The following ABCC2 variants were observed in gnomAD, a reference collection of about 807,000 sequenced individuals.
ABCC2 encodes the protein ATP-binding cassette sub-family C member 2.
In ABCC2, 157 loss-of-function variants were observed where a neutral mutation model predicts 173.4. That is an observed-to-expected ratio of 0.91 (90% CI 0.80 to 1.03). The LOEUF (loss-of-function observed/expected upper bound fraction) is 1.03. Ranked by LOEUF, ABCC2 falls within the 50% of genes least tolerant of loss-of-function variation. The pLI, the probability that ABCC2 is intolerant of heterozygous loss-of-function variation, is 0.00. For synonymous variants in ABCC2, 657 were observed against 693.5 expected, an observed-to-expected ratio of 0.95 and a Z score of 0.83; for missense variants, 1,822 against 1,852.3, an observed-to-expected ratio of 0.98 and a Z score of 0.30.
rs1049949075 is a variant in ABCC2 at position 99,799,295 on chromosome 10, A to G, written c.956A>G (p.Tyr319Cys). 4 of 1,614,170 alleles carry G rather than the reference A, an allele frequency of 2.5e-6. No homozygotes were observed. The highest frequency in any genetic ancestry group is 2.2e-5 in the East Asian group (1 of 44,880). ...ATGAAGGCTCTGTTCAAAACTTTCT[A>G]CATGGTGCTCCTGAAATCATTCCTA... The part of the protein sequence containing the change: ...WLMKALFKTF[Y>C]MVLLKSFLLK... The change falls in exon 8 of 32, where the codon TAC becomes TGC. Residue 319 changes from tyrosine (Y) to cysteine (C), a missense_variant. Tyr to Cys is a radical substitution (Grantham distance 194). Transcript: ENST00000647814.
rs138038397 is a variant in ABCC2, at chr10:99,816,073, A to G, written c.2095-1235A>G. ...AACCTCCACCTCCTGGGTTCAAGCAATTCTCTGCCTCAGCCTCCCAAGTAG... is the reference window on the plus strand; with the variant it reads ...AACCTCCACCTCCTGGGTTCAAGCAGTTCTCTGCCTCAGCCTCCCAAGTAG... On this transcript the variant is annotated intron_variant, in intron 16 of 31. Coordinates refer to ENST00000647814, the MANE Select transcript of ABCC2 (RefSeq NM_000392.5). Among the ~76,000 whole-genome samples, 1,509 of 151,202 alleles carry G rather than the reference A, an allele frequency of 1.0e-2. 25 individuals are homozygous for G. The highest frequency in any genetic ancestry group is 0.041 in the Middle Eastern group (12 of 294).
At chr10:99,818,232 AAG>A (rs1554851602) in intron 17 of ABCC2, among the ~76,000 whole-genome samples, 6 of 151,784 alleles carry the variant, frequency 4.0e-5, no homozygotes, top group Admixed American at 1.3e-4. Context: ...CAAAAAAAAA[AAG>A]ATTTTTAATG....
At chr10:99,811,444 A>C in intron 14 of ABCC2, 92 bp from the exon 15 acceptor site, 6 of 1,280,244 alleles carry the variant, frequency 4.7e-6, no homozygotes, top group African/African-American at 1.5e-5. Context: ...AAACAATCCT[A>C]GGAGCTGATG....
rs2039090211 is a variant in ABCC2, at chr10:99,851,674, C to A, written c.*43C>A. The stretch of plus-strand genomic sequence containing the variant: ...TAGAAAAGGACTATAAGAATAATTT[C>A]TTATTTAATTTTATTTTTTATAAAA... On this transcript the variant is annotated 3_prime_UTR_variant, in exon 32 of 32. Transcript: ENST00000647814. 1 of 1,552,484 alleles carries A rather than the reference C, an allele frequency of 6.4e-7. No individual in the cohort carries two copies.
chr10:99,815,991 C>T (rs563158633), intron 16 of ABCC2, among the ~76,000 whole-genome samples: 82 of 142,330 alleles, frequency 5.8e-4, no homozygotes, highest in African/African-American at 2.0e-3. Context: ...TTTTTTGAGA[C>T]GGAGTCTCAG....
intron 3 of ABCC2, among the ~76,000 whole-genome samples, chr10:99,793,143 C>T (rs959914618): frequency 6.6e-6 from 1 of 152,148 alleles, no homozygotes; most frequent in African/African-American, 2.4e-5. Context: ...AAATTAATTG[C>T]TTAATCTTAT....
At chr10:99,832,821 A>G (rs969448864) in intron 23 of ABCC2, among the ~76,000 whole-genome samples, 6 of 152,232 alleles carry the variant, frequency 3.9e-5, no homozygotes, top group East Asian at 1.9e-4. Flanking sequence ...CATTCATTCA[A>G]CAACCGTTAT....
chr10:99,831,525 A>G, intron 21 of ABCC2, 86 bp from the exon 22 acceptor site: 1 of 1,358,358 alleles, frequency 7.4e-7, no homozygotes, highest in Non-Finnish European at 1.1e-6. Flanking sequence ...AGGGGACTCC[A>G]CTTCTCCTTG....
chr10:99,800,546 G>A lies in ABCC2; in HGVS notation c.1192G>A (p.Ala398Thr), dbSNP rs770182474. The A allele has an allele frequency of 1.2e-6, 2 of 1,614,134 alleles. No individual in the cohort carries two copies. The highest frequency in any genetic ancestry group is 1.7e-6 in the Non-Finnish European group (2 of 1,180,020). ...LGVKVRTAIM[A>T]SVYKKALTLS... ...TGTAAAAGTACGGACAGCTATCATG[G>A]CTTCTGTATATAAGAAGGTAAGCAG... Residue 398 changes from alanine (A) to threonine (T), a missense_variant, in exon 9 of 32, where the codon GCT (alanine) becomes ACT (threonine). Transcript: ENST00000647814.
intron 6 of ABCC2, among the ~76,000 whole-genome samples, chr10:99,796,014 T>A (rs529665615): frequency 2.6e-5 from 4 of 152,102 alleles, no homozygotes; most frequent in South Asian, 2.1e-4. Flanking sequence ...AACATATATA[T>A]AATTTATTTT....
intron 14 of ABCC2, among the ~76,000 whole-genome samples, chr10:99,811,029 A>C (rs1417713219): frequency 6.6e-6 from 1 of 151,980 alleles, no homozygotes; most frequent in African/African-American, 2.4e-5. Flanking sequence ...CATCTCAAAA[A>C]AAAAAAGAAA....
At chr10:99,834,178 G>A (rs773116478) in intron 23 of ABCC2, among the ~76,000 whole-genome samples, 1 of 152,178 alleles carries the variant, frequency 6.6e-6, no homozygotes. Flanking sequence ...ACCACGCCAG[G>A]CCTAAATGAA....
chr10:99,783,733 A>G (rs1282489512), intron 1 of ABCC2, among the ~76,000 whole-genome samples: 2 of 152,122 alleles, frequency 1.3e-5, no homozygotes, highest in Non-Finnish European at 2.9e-5. Context: ...CGTGTCTTAG[A>G]AAGGACCTGG....
chr10:99,829,569 G>A (rs116369578), intron 19 of ABCC2, among the ~76,000 whole-genome samples: 1,928 of 148,082 alleles, frequency 0.013, 49 homozygotes, highest in African/African-American at 0.045. Context: ...TTTATTTTCC[G>A]GGTATGTCTT....
chr10:99,814,601 A>ATGTG (rs2038344683), intron 16 of ABCC2, among the ~76,000 whole-genome samples: 3 of 104,236 alleles, frequency 2.9e-5, no homozygotes, highest in Non-Finnish European at 4.2e-5. Flanking sequence ...ATATACACAC[A>ATGTG]CATATGTGTA....
intron 2 of ABCC2, among the ~76,000 whole-genome samples, chr10:99,791,066 A>C (rs2037803788): frequency 6.6e-6 from 1 of 152,140 alleles, no homozygotes; most frequent in Admixed American, 6.6e-5. Flanking sequence ...TGTAATGTGT[A>C]TCATGTCTTC....
At position 99,834,569 on chromosome 10, in the gene ABCC2, C is replaced by T. The variant is rs1464215694; in HGVS notation, c.3414+34C>T. ...GGAAATGGCTAAGTCATCCTTCCTTCCTCTCTATCTATAAAAGCCCAGCCT... is the reference window on the plus strand; with the variant it reads ...GGAAATGGCTAAGTCATCCTTCCTTTCTCTCTATCTATAAAAGCCCAGCCT... On this transcript the variant is annotated intron_variant, in intron 24 of 31. Transcript: ENST00000647814. 4.4e-6 allele frequency: 7 copies of T among 1,605,826 alleles called. No homozygotes were observed. The African/African-American group carries it at 6.7e-5, about 15-fold the overall frequency.
At position 99,793,914 on chromosome 10, in the gene ABCC2, A is replaced by G. The variant is rs986071454; in HGVS notation, c.491A>G (p.Tyr164Cys). ...TAGGGTGACAATTCTAATCTAGCCT[A>G]CTCCTGCCTGTTCTTCATCTCCTAC... Reference protein sequence around the residue: ...LLQGDNSNLAYSCLFFISYGF... With the variant: ...LLQGDNSNLACSCLFFISYGF... Residue 164 changes from tyrosine to cysteine, a missense_variant, in exon 5 of 32, where the codon TAC becomes TGC. Tyr to Cys is a radical substitution (Grantham distance 194, BLOSUM62 -2). Coordinates refer to ENST00000647814, the MANE Select transcript of ABCC2 (RefSeq NM_000392.5). 9 of 1,613,434 alleles carry G rather than the reference A, an allele frequency of 5.6e-6. No homozygotes were observed. Among genetic ancestry groups the G allele is most frequent in the Non-Finnish European group, 5.9e-6 (7 of 1,179,800 alleles).
intron 27 of ABCC2, 90 bp downstream of exon 27, chr10:99,843,990 C>CATGGACCCATT: frequency 8.8e-7 from 1 of 1,140,372 alleles, no homozygotes; most frequent in Non-Finnish European, 1.3e-6. Flanking sequence ...CCATATTTTA[C>CATGGACCCATT]ATGGGCCCAT....
Sources: allele counts gnomAD v4.1 joint callset (sites outside exome capture counted in the v4.1 genomes callset), GRCh38; gene constraint gnomAD v4.1.1; transcripts MANE v1.5; gene names NCBI Gene and HGNC (gene_info 2026-07-23, HGNC 2026-07-21).